The following NIPA2 variants were observed in gnomAD, a reference collection of about 807,000 sequenced individuals.
NIPA2 encodes magnesium transporter NIPA2.
A neutral mutation model predicts 29.7 loss-of-function variants in NIPA2; 11 were observed. The observed-to-expected ratio is 0.37, with a 90% CI of 0.23 to 0.61. The LOEUF is 0.61. NIPA2 is among the 20% of genes least tolerant of loss of function. The pLI, the probability that NIPA2 is intolerant of heterozygous loss-of-function variation, is 0.66. For missense variants in NIPA2, 426 were observed against 437.9 expected, an observed-to-expected ratio of 0.97 and a Z score of 0.24; for synonymous variants, 183 against 161.9, an observed-to-expected ratio of 1.13 and a Z score of -0.99.
rs764438140 is a variant in NIPA2 at position 22,866,304 on chromosome 15, G to A, written c.540G>A (p.Val180=). Reference sequence around the variant, plus strand: ...GCCATGGACAGACAAACATTCTTGTGTACATAACAATCTGCTCTGTAATCG... The same window carrying A: ...GCCATGGACAGACAAACATTCTTGTATACATAACAATCTGCTCTGTAATCG... ...GPRHGQTNIL[V]YITICSVIGA... is the part of the protein sequence containing the mutation. The change falls in exon 8 of 8, where the codon GTG becomes GTA. Residue 180 remains valine, a synonymous_variant. Transcript: ENST00000337451. 4 of 1,613,836 alleles carry A rather than the reference G, an allele frequency of 2.5e-6. No individual in the cohort carries two copies. The highest frequency in any genetic ancestry group is 3.3e-5 in the Admixed American group (2 of 60,016).
intron 6 of NIPA2, 69 bp from the exon 7 acceptor site, chr15:22,860,560 G>C (rs2058548939): frequency 9.8e-7 from 1 of 1,024,736 alleles, no homozygotes; most frequent in African/African-American, 1.6e-5. Context: ...TAAATTACGA[G>C]TTTTATTGAT....
At chr15:22,849,720 C>T (rs192169245) in intron 3 of NIPA2, among the ~76,000 whole-genome samples, 41 of 152,080 alleles carry the variant, frequency 2.7e-4, no homozygotes, top group African/African-American at 8.9e-4. Context: ...CCACCACTTC[C>T]GGCTAATTTT....
intron 7 of NIPA2, among the ~76,000 whole-genome samples, chr15:22,861,986 C>G (rs569969420): frequency 7.0e-6 from 1 of 142,666 alleles, no homozygotes; most frequent in East Asian, 2.3e-4. Context: ...GATCCACCCA[C>G]CTTGCCTCCC....
intron 6 of NIPA2, 117 bp downstream of exon 6, chr15:22,858,747 C>T (rs1224332994): frequency 2.6e-5 from 15 of 571,274 alleles, no homozygotes; most frequent in East Asian, 6.7e-5. Context: ...TGGAGAACTT[C>T]GCTTTTTACA....
rs2057750862 is a variant in NIPA2 at position 22,851,639 on chromosome 15, G to T, written c.-93G>T. 1.0e-5 allele frequency: 11 copies of T among 1,056,840 alleles called. No homozygotes were observed. The highest frequency in any genetic ancestry group is 1.6e-5 in the African/African-American group (1 of 62,192). 65.5% of individuals were successfully genotyped at this position (1,056,840 alleles called of 1,614,324 possible). On this transcript the variant is annotated splice_region_variant and 5_prime_UTR_variant, in exon 4 of 8. Transcript: ENST00000337451. ...CCACATTTCATTTTTTATTGTTTAG[G>T]TTTGAAGACTGCTTCATTCTGCCTC...
At chr15:22,863,444 G>A (rs927047095) in intron 7 of NIPA2, among the ~76,000 whole-genome samples, 18 of 152,116 alleles carry the variant, frequency 1.2e-4, no homozygotes, top group African/African-American at 4.1e-4. Context: ...TCAGATGTTG[G>A]TTTGGGCCCC....
intron 2 of NIPA2, among the ~76,000 whole-genome samples, chr15:22,843,890 G>C (rs936481752): frequency 6.6e-6 from 1 of 152,108 alleles, no homozygotes; most frequent in Non-Finnish European, 1.5e-5. Context: ...TAGAGATGGG[G>C]TTTCACCATG....
intron 3 of NIPA2, among the ~76,000 whole-genome samples, chr15:22,845,477 G>T (rs1048987520): frequency 1.3e-5 from 2 of 152,188 alleles, no homozygotes; most frequent in African/African-American, 4.8e-5. Context: ...TACCGTAAAT[G>T]AGTGCCTTTT....
At chr15:22,865,611 ACAGG>A (rs1168670764) in intron 7 of NIPA2, among the ~76,000 whole-genome samples, 5 of 152,124 alleles carry the variant, frequency 3.3e-5, no homozygotes, top group African/African-American at 1.2e-4. Context: ...ATCCGTGATA[ACAGG>A]GTAGTTGAGT....
chr15:22,842,643 A>G (rs142294168), intron 2 of NIPA2, among the ~76,000 whole-genome samples: 8 of 152,064 alleles, frequency 5.3e-5, no homozygotes, highest in African/African-American at 1.9e-4. Context: ...AGCCTGACCA[A>G]CATGGCGAAA....
chr15:22,867,941 C>T lies in NIPA2; in HGVS notation c.*1094C>T, dbSNP rs1327591315. ...CTAATGAACTCCATTCAGCTTTGAACCTATCCACTCATAACCATTGACTGG... is the reference window on the plus strand; with the variant it reads ...CTAATGAACTCCATTCAGCTTTGAATCTATCCACTCATAACCATTGACTGG... On this transcript the variant is annotated 3_prime_UTR_variant, in exon 8 of 8. Transcript: ENST00000337451. The T allele has an allele frequency of 6.6e-6, 1 of 152,214 alleles. No individual in the cohort carries two copies. The highest frequency in any genetic ancestry group is 1.5e-5 in the Non-Finnish European group (1 of 68,038). The allele number at this position is 152,214 out of a possible 1,614,324, so 9.4% of individuals were successfully genotyped here.
At chr15:22,851,114 A>T (rs556356511) in intron 3 of NIPA2, among the ~76,000 whole-genome samples, 3 of 152,294 alleles carry the variant, frequency 2.0e-5, no homozygotes, top group African/African-American at 7.2e-5. Flanking sequence ...TCTCTGCAAG[A>T]ATTGTTACCC....
In NIPA2 at chr15:22,851,871, G is replaced by A; in HGVS notation, c.139+1G>A. 1 of 1,612,802 alleles carries A rather than the reference G, an allele frequency of 6.2e-7. No individual in the cohort carries two copies. On this transcript the variant is annotated splice_donor_variant, in intron 4 of 7. Transcript: ENST00000337451. LOFTEE classifies it high-confidence loss of function. ...GCCAGGAAAGGCTCTATGAGAGCAG[G>A]TAGGTTATGCCTTATGTGACTTTGA...
At position 22,851,739 on chromosome 15, in the gene NIPA2, A is replaced by G; in HGVS notation, c.8A>G (p.Gln3Arg). Residue 3 changes from glutamine to arginine, a missense_variant, in exon 4 of 8, where the codon CAG becomes CGG. Coordinates refer to ENST00000337451, the MANE Select transcript of NIPA2 (RefSeq NM_030922.7). MS[Q>R]GRGKYDFYIG... ...CCTTAAGTAACAAACGAAATGAGCC[A>G]GGGGCGTGGAAAATATGACTTCTAT... 6.2e-7 allele frequency: 1 copy of G among 1,611,006 alleles called. No individual in the cohort carries two copies.
chr15:22,860,524 A>C, intron 6 of NIPA2, 105 bp from the exon 7 acceptor site: 1 of 750,714 alleles, frequency 1.3e-6, no homozygotes, highest in South Asian at 1.9e-5. Context: ...ATAAGTTCAC[A>C]GTGTTTTAGT....
chr15:22,851,537 C>T (rs951981319), intron 3 of NIPA2, 102 bp from the exon 4 acceptor site: 1 of 368,424 alleles, frequency 2.7e-6, no homozygotes, highest in Non-Finnish European at 4.8e-6. Context: ...AATGAAGGAG[C>T]TATTTTTTCT....
intron 6 of NIPA2, among the ~76,000 whole-genome samples, chr15:22,859,751 CTGT>C (rs1268525729): frequency 6.6e-6 from 1 of 152,106 alleles, no homozygotes; most frequent in Non-Finnish European, 1.5e-5. Flanking sequence ...TGATTTTTAT[CTGT>C]TTTTTTTTCC....
chr15:22,858,674 GTTTCT>G, intron 6 of NIPA2, 44 bp downstream of exon 6: 1 of 1,223,420 alleles, frequency 8.2e-7, no homozygotes, highest in Non-Finnish European at 1.1e-6. Context: ...CGGTATCTTA[GTTTCT>G]AAAATATTCA....
At chr15:22,860,348 A>T (rs558713395) in intron 6 of NIPA2, among the ~76,000 whole-genome samples, 1 of 152,314 alleles carries the variant, frequency 6.6e-6, no homozygotes, top group South Asian at 2.1e-4. Flanking sequence ...TAGGATATAA[A>T]TGTATACAAA....
Sources: gnomAD v4.1 joint callset for allele counts (sites outside exome capture counted in the v4.1 genomes callset) on GRCh38, gnomAD v4.1.1 for gene constraint, MANE v1.5 for transcripts, NCBI Gene and HGNC (gene_info 2026-07-23, HGNC 2026-07-21) for gene names.